ZNF541: variants seen among roughly 807,000 people sequenced by gnomAD.
ZNF541 encodes zinc finger protein 541.
ZNF541 carries 23 observed loss-of-function variants against 123.5 expected under a neutral mutation model. The observed-to-expected ratio is 0.19, with a 90% CI of 0.13 to 0.26. The LOEUF is 0.26. Among genes scored for constraint, ZNF541 ranks in the 10% least tolerant of loss-of-function variants. The pLI is 1.00. For synonymous variants in ZNF541, 751 were observed against 754.5 expected (o/e 1.00, Z 0.08); for missense variants, 1,612 against 1,789.9 (o/e 0.90, Z 1.79).
rs1969056555 is a variant in ZNF541 at position 47,521,999 on chromosome 19, TGAAA to T, written c.3571-9_3571-6del. On this transcript the variant is annotated splice_polypyrimidine_tract_variant and splice_region_variant and intron_variant, in intron 14 of 16. Transcript: ENST00000391901. This position sits in a 1 kb window ranked among gnomAD's most constrained non-coding sequence, Gnocchi z 4.2. ...AGCTACCGTCTTTGTCTGGATCTAG[TGAAA>T]GAAAACAAGCAGGCTGTGGCTGTGC... is the stretch of plus-strand genomic sequence containing the variant. The T allele has an allele frequency of 6.4e-7, 1 of 1,551,358 alleles. No homozygotes were observed. Among genetic ancestry groups the T allele is most frequent in the African/African-American group, 1.4e-5 (1 of 73,110 alleles).
At chr19:47,564,493 G>A (rs1971187568) in intron 2 of ZNF541, among the ~76,000 whole-genome samples, 1 of 152,090 alleles carries the variant, frequency 6.6e-6, no homozygotes, top group Non-Finnish European at 1.5e-5. Flanking sequence ...CTGCAACCCG[G>A]CAGACATTCC....
intron 5 of ZNF541, among the ~76,000 whole-genome samples, chr19:47,542,713 T>A (rs1406273194): frequency 6.6e-6 from 1 of 151,634 alleles, no homozygotes; most frequent in Non-Finnish European, 1.5e-5. Flanking sequence ...TTTGGGAGGC[T>A]GAGGCGGGTG....
intron 2 of ZNF541, among the ~76,000 whole-genome samples, chr19:47,562,686 C>A (rs1238418119): frequency 6.6e-6 from 1 of 152,070 alleles, no homozygotes; most frequent in Non-Finnish European, 1.5e-5. Flanking sequence ...AAAGCATAGC[C>A]CCTTCAGATG....
chr19:47,529,133 T>C (rs1363096549), intron 13 of ZNF541, 95 bp from the exon 14 acceptor site: 4 of 896,986 alleles, frequency 4.5e-6, no homozygotes, highest in East Asian at 2.6e-5. Flanking sequence ...ATAGCTGCCA[T>C]TACTGAGTAC....
At chr19:47,536,199 T>A (rs140420952) in intron 9 of ZNF541, among the ~76,000 whole-genome samples, 1 of 152,196 alleles carries the variant, frequency 6.6e-6, no homozygotes, top group African/African-American at 2.4e-5. Context: ...TTCCGGTAAA[T>A]CCACAACCTT....
In ZNF541 at chr19:47,541,025, A is replaced by C. The variant is rs1387163403; in HGVS notation, c.2404-74T>G. The C allele has an allele frequency of 2.9e-6, 4 of 1,379,612 alleles. No homozygotes were observed. The African/African-American group carries it at 5.9e-5, about 20-fold the overall frequency. The allele number at this position is 1,379,612 out of a possible 1,614,324, so 85.5% of individuals were successfully genotyped here. On this transcript the variant is annotated intron_variant, in intron 5 of 16. Transcript: ENST00000391901. ...AGAAGAGCTCAAATTACAGACTTTT[A>C]GAAGAAAACATCAGAGTAAATCTTC... is the stretch of plus-strand genomic sequence containing the variant.
intron 12 of ZNF541, 63 bp downstream of exon 12, chr19:47,531,579 G>A (rs768407522): frequency 2.3e-5 from 30 of 1,313,918 alleles, no homozygotes; most frequent in East Asian, 7.9e-5. Context: ...CAGACAGCAC[G>A]TCACATGCAC....
chr19:47,561,471 A>T lies in ZNF541; in HGVS notation c.-98-5517T>A, dbSNP rs920388615. Among the ~76,000 whole-genome samples the T allele has an allele frequency of 1.1e-4, 17 of 152,162 alleles. No individual in the cohort carries two copies. The South Asian group carries it at 1.2e-3, about 11-fold the overall frequency. On this transcript the variant is annotated intron_variant, in intron 2 of 16. Transcript: ENST00000391901. ...TAATTAATTAAGTATTAAAAAAATT[A>T]AAAAATCCAAATGAATAAAAAAAGA...
At position 47,545,857 on chromosome 19, in the gene ZNF541, G is replaced by A. The variant is rs921111494; in HGVS notation, c.672C>T (p.Cys224=). Residue 224 remains cysteine, a synonymous_variant, in exon 5 of 17, where the codon TGC becomes TGT. Coordinates refer to ENST00000391901, the MANE Select transcript of ZNF541 (RefSeq NM_001277075.3). This position sits in a 1 kb window ranked among gnomAD's most constrained non-coding sequence, Gnocchi z 7.5. ...RRHYEVHHGL[C]ILKEAPPEEE... ...CCTCCGGGGGGGCTTCCTTCAGGAT[G>A]CACAGGCCGTGATGGACCTCGTAGT... 7.1e-6 allele frequency: 11 copies of A among 1,549,596 alleles called. No individual in the cohort carries two copies. Among genetic ancestry groups the A allele is most frequent in the Non-Finnish European group, 8.7e-6 (10 of 1,146,482 alleles).
chr19:47,556,241 T>C (rs1292332890), intron 2 of ZNF541, among the ~76,000 whole-genome samples: 1 of 152,154 alleles, frequency 6.6e-6, no homozygotes, highest in African/African-American at 2.4e-5. Flanking sequence ...TATACATGTA[T>C]GACAAAAGAT....
chr19:47,543,840 C>T (rs916360945), intron 5 of ZNF541, among the ~76,000 whole-genome samples: 1 of 151,986 alleles, frequency 6.6e-6, no homozygotes, highest in African/African-American at 2.4e-5. Context: ...GACTGGGTTT[C>T]GCCATGTTGC....
chr19:47,538,213 C>T lies in ZNF541; in HGVS notation c.3023G>A (p.Gly1008Glu), dbSNP rs1339578287. The stretch of plus-strand genomic sequence containing the variant: ...GGAACAGAGGGTGTTGAAGTACACC[C>T]CAGAGCCCTCCCGGATGGGGCTGAG... Reference protein sequence around the residue: ...PMLSPIREGSGVYFNTLCSTS... With the variant: ...PMLSPIREGSEVYFNTLCSTS... The change falls in exon 9 of 17, where the codon GGG becomes GAG. Residue 1008 changes from glycine to glutamate, a missense_variant. Physicochemically the swap from Gly to Glu is moderately conservative, Grantham distance 98 (BLOSUM62 -2). Transcript: ENST00000391901. 6.4e-7 allele frequency: 1 copy of T among 1,551,456 alleles called. No homozygotes were observed. Among genetic ancestry groups the T allele is most frequent in the Non-Finnish European group, 8.7e-7 (1 of 1,147,000 alleles).
At chr19:47,559,108 C>G (rs188855025) in intron 2 of ZNF541, among the ~76,000 whole-genome samples, 1 of 151,742 alleles carries the variant, frequency 6.6e-6, no homozygotes, top group Non-Finnish European at 1.5e-5. Context: ...CAGTGGCTCA[C>G]GCCTGTAATC....
At chr19:47,537,674 G>A (rs1357543056) in intron 9 of ZNF541, among the ~76,000 whole-genome samples, 2 of 151,482 alleles carry the variant, frequency 1.3e-5, no homozygotes, top group East Asian at 1.9e-4. Flanking sequence ...CCAGGAGCTC[G>A]AGACCAGCCT....
intron 2 of ZNF541, among the ~76,000 whole-genome samples, chr19:47,558,191 C>T (rs1472968292): frequency 8.5e-5 from 13 of 152,054 alleles, no homozygotes; most frequent in African/African-American, 2.7e-4. Context: ...CCGAGGTGGG[C>T]GGATCATGAG....
chr19:47,520,974 A>G lies in ZNF541; in HGVS notation c.*250T>C. On this transcript the variant is annotated 3_prime_UTR_variant, in exon 17 of 17. Coordinates refer to ENST00000391901, the MANE Select transcript of ZNF541 (RefSeq NM_001277075.3). The stretch of plus-strand genomic sequence containing the variant: ...TCCCTGCTCTAGAAGTGGAAGGGAA[A>G]GAAGGGGAGAGACTATGAACCTAAG... The G allele has an allele frequency of 2.1e-6, 1 of 470,442 alleles. No homozygotes were observed. Among genetic ancestry groups the G allele is most frequent in the Non-Finnish European group, 3.8e-6 (1 of 262,624 alleles). The allele number at this position is 470,442 out of a possible 1,614,324, so 29.1% of individuals were successfully genotyped here.
intron 4 of ZNF541, among the ~76,000 whole-genome samples, chr19:47,547,362 G>A (rs1970399620): frequency 1.3e-5 from 2 of 152,132 alleles, no homozygotes; most frequent in South Asian, 4.1e-4. Context: ...AGAAATGCAT[G>A]TAAATATGTA....
At chr19:47,543,815 T>A (rs914398675) in intron 5 of ZNF541, among the ~76,000 whole-genome samples, 6 of 151,990 alleles carry the variant, frequency 3.9e-5, no homozygotes, top group Non-Finnish European at 8.8e-5. Context: ...GCTACTTTTT[T>A]AAAATTTTGG....
chr19:47,521,584 C>G lies in ZNF541; in HGVS notation c.3782G>C (p.Arg1261Thr). 6.4e-7 allele frequency: 1 copy of G among 1,551,748 alleles called. No individual in the cohort carries two copies. The highest frequency in any genetic ancestry group is 8.7e-7 in the Non-Finnish European group (1 of 1,146,996). Residue 1261 changes from arginine to threonine, a missense_variant, in exon 16 of 17, where the codon AGG (arginine) becomes ACG (threonine). Arg to Thr is a moderately conservative substitution (Grantham distance 71). Coordinates refer to ENST00000391901, the MANE Select transcript of ZNF541 (RefSeq NM_001277075.3). The surrounding 1 kb of genome is among the most constrained non-coding windows in gnomAD (Gnocchi z 4.2). ...TGGGCTGGAGCTGAGGATGGACTCC[C>G]TCCTATAACTCTTGGTCTTTAACTT... is the stretch of plus-strand genomic sequence containing the variant. ...TPKLKTKSYR[R>T]ESILSSSPNA...
Sources: gnomAD v4.1 joint callset for allele counts (sites outside exome capture counted in the v4.1 genomes callset) on GRCh38, gnomAD v4.1.1 for gene constraint, Gnocchi (gnomAD v3.1) non-coding constraint, MANE v1.5 for transcripts, NCBI Gene and HGNC (gene_info 2026-07-23, HGNC 2026-07-21) for gene names.